The following LRFN5 variants were observed in gnomAD, a reference collection of about 807,000 sequenced individuals.
LRFN5 encodes the protein leucine rich repeat and fibronectin type III domain containing 5, also known as leucine-rich repeat and fibronectin type-III domain-containing protein 5.
In LRFN5, 24 loss-of-function variants were observed where a neutral mutation model predicts 45.6. The ratio of observed to expected loss-of-function variants is 0.53; its 90% confidence interval spans 0.38 to 0.74. LRFN5 has a LOEUF of 0.74. Ranked by LOEUF, LRFN5 falls within the 30% of genes least tolerant of loss-of-function variation. LRFN5 has a pLI of 0.00. For synonymous variants in LRFN5, 340 were observed against 313.8 expected, an observed-to-expected ratio of 1.08 and a Z score of -0.88; for missense variants, 776 against 861.5, an observed-to-expected ratio of 0.90 and a Z score of 1.24.
At chr14:41,897,054 T>C (rs1054045532) in intron 4 of LRFN5, among the ~76,000 whole-genome samples, 2 of 151,414 alleles carry the variant, frequency 1.3e-5, no homozygotes, top group African/African-American at 4.9e-5. Context: ...ATCGTGCCAC[T>C]GAACTCCAGC....
chr14:41,857,616 A>G (rs553884303), intron 2 of LRFN5, among the ~76,000 whole-genome samples: 2 of 152,320 alleles, frequency 1.3e-5, no homozygotes, highest in Non-Finnish European at 2.9e-5. Flanking sequence ...CATACTAAAC[A>G]CTGTGGTCGA....
intron 2 of LRFN5, among the ~76,000 whole-genome samples, chr14:41,775,845 C>A (rs900596664): frequency 6.6e-6 from 1 of 152,142 alleles, no homozygotes; most frequent in Non-Finnish European, 1.5e-5. Flanking sequence ...TATTATGAAG[C>A]ATTTTTCAAC....
chr14:41,681,964 G>A (rs1434280836), intron 1 of LRFN5, among the ~76,000 whole-genome samples: 10 of 151,530 alleles, frequency 6.6e-5, no homozygotes, highest in South Asian at 2.1e-4. Context: ...GATTACAGGC[G>A]TGCGCCATCA....
chr14:41,863,904 A>G (rs1422359439), intron 2 of LRFN5, among the ~76,000 whole-genome samples: 2 of 151,456 alleles, frequency 1.3e-5, no homozygotes, highest in African/African-American at 2.4e-5. Flanking sequence ...TCATTGTTCA[A>G]CTCCCACTTA....
chr14:41,669,983 GT>G (rs1185575997), intron 1 of LRFN5, among the ~76,000 whole-genome samples: 1 of 126,982 alleles, frequency 7.9e-6, no homozygotes, highest in Non-Finnish European at 1.6e-5. Flanking sequence ...TAAAAATATA[GT>G]TAAAAATATA....
intron 2 of LRFN5, among the ~76,000 whole-genome samples, chr14:41,770,512 G>A (rs1442816396): frequency 6.6e-6 from 1 of 152,084 alleles, no homozygotes; most frequent in Non-Finnish European, 1.5e-5. Flanking sequence ...ATTCCAAAAG[G>A]GAGAAATTGG....
intron 2 of LRFN5, among the ~76,000 whole-genome samples, chr14:41,855,023 A>C (rs1257591631): frequency 1.3e-5 from 2 of 152,218 alleles, no homozygotes; most frequent in Non-Finnish European, 2.9e-5. Flanking sequence ...ATCAAACTTA[A>C]AAACGTCTGC....
chr14:41,894,848 C>T (rs144750698), intron 4 of LRFN5: 2 of 981,354 alleles, frequency 2.0e-6, no homozygotes, highest in East Asian at 1.1e-4. Context: ...ATTCTCTGTC[C>T]TTTTCTTGTT....
intron 1 of LRFN5, among the ~76,000 whole-genome samples, chr14:41,744,614 A>G (rs1442704895): frequency 1.3e-5 from 2 of 152,110 alleles, no homozygotes; most frequent in African/African-American, 4.8e-5. Flanking sequence ...ACACACACGC[A>G]CACCATAATT....
At chr14:41,674,149 C>A (rs1881438804) in intron 1 of LRFN5, among the ~76,000 whole-genome samples, 1 of 136,026 alleles carries the variant, frequency 7.4e-6, no homozygotes, top group African/African-American at 2.8e-5. Context: ...GTAGGGGCGG[C>A]CGGGCAGAGG....
intron 1 of LRFN5, among the ~76,000 whole-genome samples, chr14:41,703,467 T>C (rs959440044): frequency 1.3e-5 from 2 of 152,160 alleles, no homozygotes; most frequent in Non-Finnish European, 2.9e-5. Flanking sequence ...TTTAATCAGT[T>C]TTCTCAGTTT....
intron 2 of LRFN5, among the ~76,000 whole-genome samples, chr14:41,781,766 C>G (rs555445289): frequency 1.2e-4 from 18 of 151,746 alleles, no homozygotes; most frequent in Middle Eastern, 3.2e-3. Flanking sequence ...TTTGAGAAAG[C>G]CTTTATTTCT....
intron 1 of LRFN5, among the ~76,000 whole-genome samples, chr14:41,615,954 C>T (rs1238582410): frequency 3.3e-5 from 5 of 152,050 alleles, no homozygotes; most frequent in African/African-American, 9.7e-5. Flanking sequence ...AATCAAATTA[C>T]ACACTTTAAG....
Position 41,887,554 on chromosome 14 carries a change from C to A in LRFN5, c.929C>A (p.Ala310Asp), listed in dbSNP as rs1890618062. The A allele has an allele frequency of 3.7e-6, 6 of 1,614,166 alleles. No individual in the cohort carries two copies. The change falls in exon 3 of 6, where the codon GCC becomes GAC. Residue 310 changes from alanine to aspartate, a missense_variant. Physicochemically the swap from Ala to Asp is moderately radical, Grantham distance 126. This residue lies in a region of LRFN5 where 311 missense variants were observed against 405.1 expected (regional missense o/e 0.77). Coordinates refer to ENST00000298119, the MANE Select transcript of LRFN5 (RefSeq NM_152447.5). This position sits in a 1 kb window ranked among gnomAD's most constrained non-coding sequence, Gnocchi z 4.8. The part of the protein sequence containing the change: ...EGQRATLRCK[A>D]RGDPEPAIHW... ...CAAAGGGCAACACTGAGGTGCAAAG[C>A]CAGGGGAGACCCTGAGCCTGCAATT... is the stretch of plus-strand genomic sequence containing the variant.
intron 1 of LRFN5, among the ~76,000 whole-genome samples, chr14:41,707,070 C>T (rs1473349352): frequency 6.6e-6 from 1 of 152,150 alleles, no homozygotes; most frequent in Non-Finnish European, 1.5e-5. Flanking sequence ...CAAATTTGTT[C>T]TGCCTGCCTA....
At position 41,638,817 on chromosome 14, in the gene LRFN5, T is replaced by A. The variant is rs1478110933; in HGVS notation, c.-197+30255T>A. Among the ~76,000 whole-genome samples the A allele has an allele frequency of 7.2e-5, 11 of 152,224 alleles. No homozygotes were observed. In the East Asian group the frequency reaches 1.7e-3, roughly 24 times the overall value. ...AAGCATAGTAATAATGATAAATATG[T>A]TAACATCATTAAATATTTTAATTAG... On this transcript the variant is annotated intron_variant, in intron 1 of 5. Coordinates refer to ENST00000298119, the MANE Select transcript of LRFN5 (RefSeq NM_152447.5).
At chr14:41,645,024 G>A (rs712405) in intron 1 of LRFN5, among the ~76,000 whole-genome samples, 106,443 of 152,078 alleles carry the variant, frequency 0.7, 37,409 homozygotes, top group East Asian at 0.78. Context: ...TTTTGGTATG[G>A]ATTAGTCCAA....
At chr14:41,620,065 A>C (rs1450843172) in intron 1 of LRFN5, among the ~76,000 whole-genome samples, 1 of 152,050 alleles carries the variant, frequency 6.6e-6, no homozygotes, top group East Asian at 1.9e-4. Context: ...TACAGGTTAG[A>C]CTGTAATATT....
chr14:41,764,626 A>T lies in LRFN5; in HGVS notation c.-196-2228A>T, dbSNP rs144102825. On this transcript the variant is annotated intron_variant, in intron 1 of 5. Coordinates refer to ENST00000298119, the MANE Select transcript of LRFN5 (RefSeq NM_152447.5). ...TGAGGCCTTTATATTTTGCTACCAT[A>T]ATGAAATAATAGAAAATGTAATTAC... is the stretch of plus-strand genomic sequence containing the variant. 4.0e-4 allele frequency among the ~76,000 whole-genome samples: 61 copies of T among 152,228 alleles called. No homozygotes were observed. In the East Asian group the frequency reaches 0.011, roughly 28 times the overall value.
Sources: gnomAD v4.1 joint callset for allele counts (sites outside exome capture counted in the v4.1 genomes callset) on GRCh38, gnomAD v4.1.1 for gene constraint, gnomAD v4.1.1 regional missense constraint, Gnocchi (gnomAD v3.1) non-coding constraint, MANE v1.5 for transcripts, NCBI Gene and HGNC (gene_info 2026-07-23, HGNC 2026-07-21) for gene names.